Variants in C17orf67 observed in about 807,000 individuals in gnomAD.
C17orf67 encodes the protein chromosome 17 open reading frame 67.
Under a neutral mutation model 11.2 loss-of-function variants are expected in C17orf67, and 12 were observed. That is an observed-to-expected ratio of 1.07 (90% confidence interval 0.68 to 1.73). The LOEUF (loss-of-function observed/expected upper bound fraction) is 1.73, where lower values mean the gene tolerates loss of function less well. Ranked by LOEUF, C17orf67 falls within the 40% of genes most tolerant of loss-of-function variation. C17orf67 has a pLI of 0.00. For synonymous variants in C17orf67, 59 were observed against 46.9 expected (o/e 1.26, Z -1.05); for missense variants, 115 against 113.5 (o/e 1.01, Z -0.06).
intron 6 of C17orf67, among the ~76,000 whole-genome samples, chr17:56,811,712 G>A (rs1044036445): frequency 1.3e-5 from 2 of 152,214 alleles, no homozygotes; most frequent in African/African-American, 4.8e-5. Flanking sequence ...GTGCTTAGTA[G>A]GGCATGGTCA....
In C17orf67 at chr17:56,814,892, C is replaced by T. The variant is rs748422565; in HGVS notation, c.133G>A (p.Gly45Arg). Reference sequence around the variant, plus strand: ...ACCCGCATTGGCTCATCGGGGAATCCGGGTTTGCTTGGTCTATCCTGTCGC... The same window carrying T: ...ACCCGCATTGGCTCATCGGGGAATCTGGGTTTGCTTGGTCTATCCTGTCGC... Reference protein sequence around the residue: ...SRRQDRPSKPGFPDEPMREYM... With the variant: ...SRRQDRPSKPRFPDEPMREYM... Residue 45 changes from glycine to arginine, a missense_variant, in exon 6 of 8, where the codon GGA becomes AGA. By Grantham distance (125) the Gly-to-Arg change is moderately radical (BLOSUM62 -2). Transcript: ENST00000397861. The T allele has an allele frequency of 3.6e-5, 58 of 1,613,908 alleles. 1 individual carries two copies. The highest frequency in any genetic ancestry group is 1.1e-4 in the South Asian group (10 of 91,070).
At chr17:56,794,950 C>G in intron 7 of C17orf67, 94 bp downstream of exon 7, 1 of 843,874 alleles carries the variant, frequency 1.2e-6, no homozygotes, top group Non-Finnish European at 1.9e-6. Context: ...CAGCTGGCCC[C>G]CCTGAGGCAT....
intron 4 of C17orf67, among the ~76,000 whole-genome samples, chr17:56,818,425 C>T (rs933777536): frequency 1.3e-5 from 2 of 152,070 alleles, no homozygotes; most frequent in Non-Finnish European, 2.9e-5. Flanking sequence ...TTTGGGATTC[C>T]AAGGTCAGAG....
intron 2 of C17orf67, among the ~76,000 whole-genome samples, chr17:56,832,582 A>C (rs910238258): frequency 3.9e-5 from 6 of 152,128 alleles, no homozygotes; most frequent in African/African-American, 9.7e-5. Context: ...TGACTCCCAT[A>C]ACAGCCATCT....
chr17:56,814,372 G>A (rs1017675535), intron 6 of C17orf67, among the ~76,000 whole-genome samples: 1 of 152,170 alleles, frequency 6.6e-6, no homozygotes, highest in Non-Finnish European at 1.5e-5. Flanking sequence ...TAGACAGGTG[G>A]ATATCATGAC....
At chr17:56,827,121 A>C (rs920236046) in intron 2 of C17orf67, among the ~76,000 whole-genome samples, 2 of 152,238 alleles carry the variant, frequency 1.3e-5, no homozygotes, top group African/African-American at 4.8e-5. Context: ...ACATTCTCAA[A>C]ACTGCCAGTT....
rs10684052 is a variant in C17orf67, at chr17:56,805,971, C to CTTTTTTTT, written c.156+8890_156+8897dup. Among the ~76,000 whole-genome samples, 6 of 98,024 alleles carry CTTTTTTTT rather than the reference C, an allele frequency of 6.1e-5. 1 individual carries two copies. Among genetic ancestry groups the CTTTTTTTT allele is most frequent in the Non-Finnish European group, 5.7e-5 (3 of 52,836 alleles). The allele number at this position is 98,024 out of a possible 152,430, so 64.3% of individuals were successfully genotyped here. ...AGGGACAGGACTACAGTTGATTTTCCTTTTTTTTTTTTTTTTTTTTTGAGA... is the reference window on the plus strand; with the variant it reads ...AGGGACAGGACTACAGTTGATTTTCCTTTTTTTTTTTTTTTTTTTTTTTTTTTTTGAGA... On this transcript the variant is annotated intron_variant, in intron 6 of 7. Transcript: ENST00000397861.
At chr17:56,831,392 T>C (rs1357409604) in intron 2 of C17orf67, among the ~76,000 whole-genome samples, 1 of 152,080 alleles carries the variant, frequency 6.6e-6, no homozygotes, top group Non-Finnish European at 1.5e-5. Context: ...AGGACGGGCA[T>C]CTGGATGATA....
intron 6 of C17orf67, among the ~76,000 whole-genome samples, chr17:56,797,359 G>A (rs1381114554): frequency 2.0e-5 from 3 of 152,072 alleles, no homozygotes; most frequent in Non-Finnish European, 2.9e-5. Flanking sequence ...GGTCTTGGGG[G>A]CACAGCACAA....
chr17:56,801,248 T>C (rs774069948), intron 6 of C17orf67, among the ~76,000 whole-genome samples: 1 of 152,198 alleles, frequency 6.6e-6, no homozygotes, highest in Non-Finnish European at 1.5e-5. Flanking sequence ...AGAAGTGGCA[T>C]TTCACCTTAG....
intron 5 of C17orf67, among the ~76,000 whole-genome samples, 164 bp from the exon 6 acceptor site, chr17:56,815,133 A>G (rs1409546404): frequency 4.6e-5 from 7 of 152,210 alleles, no homozygotes; most frequent in Non-Finnish European, 1.0e-4. Context: ...AGGGCTCAGG[A>G]AGGAATTTTG....
At chr17:56,815,086 T>C (rs1476947033) in intron 5 of C17orf67, 117 bp from the exon 6 acceptor site, 3 of 845,472 alleles carry the variant, frequency 3.5e-6, no homozygotes, top group East Asian at 5.0e-5. Flanking sequence ...TGAAAGTTCT[T>C]TCCCGGGGAC....
rs562513637 is a variant in C17orf67, at chr17:56,797,607, C to T, written c.157-2427G>A. Among the ~76,000 whole-genome samples, 69 of 152,250 alleles carry T rather than the reference C, an allele frequency of 4.5e-4. 1 individual carries two copies. Among genetic ancestry groups the T allele is most frequent in the African/African-American group, 1.6e-3 (65 of 41,546 alleles). ...ATGATGAGGAGTGGCAGGTGTGCTA[C>T]CACCAGAGAAGGGAGCAGACAGCAC... On this transcript the variant is annotated intron_variant, in intron 6 of 7. Coordinates refer to ENST00000397861, the MANE Select transcript of C17orf67 (RefSeq NM_001085430.4).
chr17:56,828,143 C>T (rs938176072), intron 2 of C17orf67, among the ~76,000 whole-genome samples: 1 of 149,436 alleles, frequency 6.7e-6, no homozygotes, highest in African/African-American at 2.5e-5. Flanking sequence ...CGGCGGCTCA[C>T]GCTTGTAATC....
chr17:56,830,332 G>A (rs561270116), intron 2 of C17orf67, among the ~76,000 whole-genome samples: 25 of 150,632 alleles, frequency 1.7e-4, no homozygotes, highest in African/African-American at 4.6e-4. Context: ...GTGACAGAGC[G>A]AGACTCCGTC....
intron 6 of C17orf67, among the ~76,000 whole-genome samples, chr17:56,801,959 A>G (rs995447366): frequency 3.3e-5 from 5 of 152,202 alleles, no homozygotes; most frequent in Admixed American, 6.5e-5. Flanking sequence ...GTCTCCTTCA[A>G]ACCTGGACCC....
chr17:56,830,898 G>A (rs753578213), intron 2 of C17orf67, among the ~76,000 whole-genome samples: 1 of 152,204 alleles, frequency 6.6e-6, no homozygotes, highest in Non-Finnish European at 1.5e-5. Flanking sequence ...AAGACATAGG[G>A]AAGAACTTTG....
At chr17:56,827,330 T>C (rs1250132415) in intron 2 of C17orf67, among the ~76,000 whole-genome samples, 1 of 152,246 alleles carries the variant, frequency 6.6e-6, no homozygotes, top group South Asian at 2.1e-4. Context: ...CCACTGCTGA[T>C]TGAGTACAGG....
chr17:56,795,563 C>T (rs1905196805), intron 6 of C17orf67, among the ~76,000 whole-genome samples: 1 of 152,156 alleles, frequency 6.6e-6, no homozygotes, highest in Non-Finnish European at 1.5e-5. Context: ...ATTGCTGGGC[C>T]TATCTTACAG....
Sources: gnomAD v4.1 joint callset for allele counts (sites outside exome capture counted in the v4.1 genomes callset) on GRCh38, gnomAD v4.1.1 for gene constraint, MANE v1.5 for transcripts, NCBI Gene and HGNC (gene_info 2026-07-23, HGNC 2026-07-21) for gene names.